Variants in DNAH17 observed in about 807,000 individuals in gnomAD.
DNAH17 encodes axonemal beta dynein heavy chain 17.
Under a neutral mutation model 485.6 loss-of-function variants are expected in DNAH17, and 376 were observed. The observed-to-expected ratio is 0.77, with a 90% CI of 0.71 to 0.84. DNAH17 has a LOEUF of 0.84. Among genes scored for constraint, DNAH17 ranks in the 40% least tolerant of loss-of-function variants. The probability of loss-of-function intolerance (pLI) is 0.00; values close to 1 mark genes in which losing one functional copy is unlikely to be tolerated. For synonymous variants in DNAH17, 3,031 were observed against 2,405.9 expected (o/e 1.26, Z -7.60); for missense variants, 6,370 against 5,839.3 (o/e 1.09, Z -2.96).
At chr17:78,449,214 T>C (rs921723487) in intron 69 of DNAH17, among the ~76,000 whole-genome samples, 200 bp downstream of exon 69, 4 of 152,136 alleles carry the variant, frequency 2.6e-5, no homozygotes, top group African/African-American at 9.7e-5. Context: ...GCTTCCCAAA[T>C]ATCAACTAGG....
chr17:78,467,212 G>A (rs1421648632), intron 55 of DNAH17, among the ~76,000 whole-genome samples: 1 of 152,226 alleles, frequency 6.6e-6, no homozygotes. Context: ...CCCAGAAAGG[G>A]CAGGGAGTCC....
chr17:78,430,211 C>T (rs932669000), intron 75 of DNAH17, among the ~76,000 whole-genome samples: 1 of 152,222 alleles, frequency 6.6e-6, no homozygotes, highest in Admixed American at 6.5e-5. Flanking sequence ...CAGCGCAGTT[C>T]AGCAGAAGGA....
At chr17:78,489,672 A>C (rs368882394) in intron 44 of DNAH17, 5 of 152,160 alleles carry the variant, frequency 3.3e-5, no homozygotes, top group South Asian at 2.1e-4. Flanking sequence ...TGAATCCCTC[A>C]CATATTCTTC....
rs1208760532 is a variant in DNAH17, at chr17:78,449,986, T to C, written c.11040+268A>G. On this transcript the variant is annotated intron_variant, in intron 68 of 80. Transcript: ENST00000389840. ...CCACCATGCCAGGCCATCCAGTTTG[T>C]TTTGATTGGGTTGTGAGTGCCTGGA... is the stretch of plus-strand genomic sequence containing the variant. 6 of 514,792 alleles carry C rather than the reference T, an allele frequency of 1.2e-5. No homozygotes were observed. The South Asian group carries it at 1.5e-4, about 13-fold the overall frequency. The allele number at this position is 514,792 out of a possible 1,614,324, so 31.9% of individuals were successfully genotyped here.
Position 78,526,867 on chromosome 17 carries a change from C to G in DNAH17, c.3624+13G>C, listed in dbSNP as rs764945697. 6.4e-7 allele frequency: 1 copy of G among 1,564,450 alleles called. No homozygotes were observed. Among genetic ancestry groups the G allele is most frequent in the Non-Finnish European group, 8.7e-7 (1 of 1,153,390 alleles). On this transcript the variant is annotated intron_variant, in intron 23 of 80. Transcript: ENST00000389840. ...TCCCCGGAAATCCCGCCACCCTGCC[C>G]CAGGTATAATACCTCGAATTGCTGG...
intron 37 of DNAH17, among the ~76,000 whole-genome samples, chr17:78,497,871 A>G (rs675660): frequency 0.87 from 132,508 of 152,242 alleles, 58,108 homozygotes; most frequent in East Asian, 0.98. Flanking sequence ...AGCCGGGCAC[A>G]ACGGCTCACG....
At chr17:78,510,593 T>C in intron 26 of DNAH17, 87 bp from the exon 27 acceptor site, 1 of 1,558,170 alleles carries the variant, frequency 6.4e-7, no homozygotes, top group Non-Finnish European at 8.8e-7. Context: ...TGGAGAGCCA[T>C]TGCCGGGGCA....
chr17:78,460,373 AGTGT>A, intron 58 of DNAH17, 116 bp from the exon 59 acceptor site: 1 of 251,062 alleles, frequency 4.0e-6, no homozygotes, highest in Admixed American at 6.5e-5. Context: ...CACGTGCATG[AGTGT>A]ATGTGTGCAT....
chr17:78,572,889 G>C lies in DNAH17; in HGVS notation c.351C>G (p.Leu117=). ...TCTCACTTTGGTTTAACAGAGAAGAGAGGACCTAAAAGGAAACACTTCTGT... is the reference window on the plus strand; with the variant it reads ...TCTCACTTTGGTTTAACAGAGAAGACAGGACCTAAAAGGAAACACTTCTGT... The part of the protein sequence containing the change: ...DQLIAVVEEV[L]SSLLNQSENM... The change falls in exon 3 of 81, where the codon CTC becomes CTG. Residue 117 remains leucine, a synonymous_variant. Transcript: ENST00000389840. 1.2e-6 allele frequency: 2 copies of C among 1,613,506 alleles called. No individual in the cohort carries two copies. Among genetic ancestry groups the C allele is most frequent in the East Asian group, 2.2e-5 (1 of 44,884 alleles).
Position 78,460,260 on chromosome 17 carries a change from G to A in DNAH17, c.9340-3C>T, listed in dbSNP as rs1261678345. ...GCCTTTTGCTTCTCAGTGACGTTCT[G>A]GAAGGAAGATGGACAGGAGAGGTTA... On this transcript the variant is annotated splice_polypyrimidine_tract_variant and splice_region_variant and intron_variant, in intron 58 of 80. Transcript: ENST00000389840. 3.1e-6 allele frequency: 5 copies of A among 1,593,114 alleles called. No homozygotes were observed. Among genetic ancestry groups the A allele is most frequent in the African/African-American group, 2.7e-5 (2 of 74,598 alleles).
rs3031639 is a variant in DNAH17 at position 78,510,751 on chromosome 17, G to GCCCCCC, written c.4114-251_4114-246dup. 653 of 378,096 alleles carry GCCCCCC rather than the reference G, an allele frequency of 1.7e-3. 4 individuals are homozygous for GCCCCCC. The highest frequency in any genetic ancestry group is 8.1e-3 in the African/African-American group (362 of 44,918). 23.4% of individuals were successfully genotyped at this position (378,096 alleles called of 1,614,324 possible). On this transcript the variant is annotated intron_variant, in intron 26 of 80. Transcript: ENST00000389840. ...CGCACCTGCACTGGGCGGAATTGCGGCCCCCCCGCAAAATTCACATCCGCC... is the reference window on the plus strand; with the variant it reads ...CGCACCTGCACTGGGCGGAATTGCGGCCCCCCCCCCCCCGCAAAATTCACATCCGCC...
chr17:78,539,995 G>A, intron 17 of DNAH17, 115 bp from the exon 18 acceptor site: 2 of 1,106,722 alleles, frequency 1.8e-6, no homozygotes, highest in Non-Finnish European at 2.4e-6. Context: ...GGACACACGG[G>A]GCTGCTTTGA....
chr17:78,503,110 C>T, intron 31 of DNAH17, 99 bp from the exon 32 acceptor site: 1 of 1,376,016 alleles, frequency 7.3e-7, no homozygotes, highest in African/African-American at 1.5e-5. Flanking sequence ...CATTTCTCAT[C>T]ATCCTCATCC....
rs1009343510 is a variant in DNAH17 at position 78,423,992 on chromosome 17, T to C, written c.13303A>G (p.Thr4435Ala). 9.3e-6 allele frequency: 15 copies of C among 1,613,976 alleles called. No homozygotes were observed. The highest frequency in any genetic ancestry group is 1.3e-5 in the Non-Finnish European group (15 of 1,179,876). Reference sequence around the variant, plus strand: ...TTCAAGTTAAAGGTCCAGACATAGGTGGGGCCGCGGATGCGTGTTTTGTAC... The same window carrying C: ...TTCAAGTTAAAGGTCCAGACATAGGCGGGGCCGCGGATGCGTGTTTTGTAC... ...PVYKTRIRGPTYVWTFNLKTK... is the reference protein window; with the variant it reads ...PVYKTRIRGPAYVWTFNLKTK... Residue 4435 changes from threonine (T) to alanine (A), a missense_variant, in exon 81 of 81, where the codon ACC becomes GCC. Coordinates refer to ENST00000389840, the MANE Select transcript of DNAH17 (RefSeq NM_173628.4).
intron 33 of DNAH17, chr17:78,502,083 CGTA>C (rs1568164567): frequency 4.9e-6 from 3 of 613,730 alleles, no homozygotes; most frequent in Non-Finnish European, 8.3e-6. Flanking sequence ...CTAGCATGGA[CGTA>C]GTAGAAGGAA....
rs144898941 is a variant in DNAH17 at position 78,431,905 on chromosome 17, C to T, written c.12225+2124G>A. ...ATCCTAACCTGGCCAGGTGCGGTGG[C>T]TCACGCCTGTAATCCTAGCACTTTG... On this transcript the variant is annotated intron_variant, in intron 75 of 80. Coordinates refer to ENST00000389840, the MANE Select transcript of DNAH17 (RefSeq NM_173628.4). Among the ~76,000 whole-genome samples, 705 of 152,232 alleles carry T rather than the reference C, an allele frequency of 4.6e-3. 9 individuals are homozygous for T. The highest frequency in any genetic ancestry group is 0.016 in the African/African-American group (679 of 41,514).
intron 19 of DNAH17, among the ~76,000 whole-genome samples, chr17:78,535,985 G>A (rs1459879215): frequency 3.3e-5 from 5 of 152,032 alleles, no homozygotes; most frequent in Non-Finnish European, 7.4e-5. Context: ...TCCCTTAAGC[G>A]GGGAGCTGAA....
chr17:78,424,573 C>G (rs1436329460), intron 80 of DNAH17: 1 of 160,780 alleles, frequency 6.2e-6, no homozygotes, highest in African/African-American at 2.4e-5. Context: ...TGCCTTTAAC[C>G]AGACTGCTAT....
At chr17:78,455,255 G>A (rs1259287505) in intron 63 of DNAH17, among the ~76,000 whole-genome samples, 1 of 151,814 alleles carries the variant, frequency 6.6e-6, no homozygotes. Flanking sequence ...CCTCATCACG[G>A]AAGTCAAGGT....
Sources: gnomAD v4.1 joint callset for allele counts (sites outside exome capture counted in the v4.1 genomes callset) on GRCh38, gnomAD v4.1.1 for gene constraint, MANE v1.5 for transcripts, NCBI Gene and HGNC (gene_info 2026-07-23, HGNC 2026-07-21) for gene names.